DNM3: variants seen among roughly 807,000 people sequenced by gnomAD.
DNM3 encodes the protein dynamin 3, also known as dynamin-3.
Under a neutral mutation model 101.6 loss-of-function variants are expected in DNM3, and 47 were observed. That is an observed-to-expected ratio of 0.46 (90% CI 0.37 to 0.59). DNM3 has a LOEUF of 0.59. Among genes scored for constraint, DNM3 ranks in the 20% least tolerant of loss-of-function variants. The probability of loss-of-function intolerance (pLI) is 0.00; values close to 1 mark genes in which losing one functional copy is unlikely to be tolerated. For missense variants in DNM3, 849 were observed against 1,085.7 expected (o/e 0.78, Z 3.06); for synonymous variants, 385 against 387.9 (o/e 0.99, Z 0.09).
intron 17 of DNM3, among the ~76,000 whole-genome samples, chr1:172,330,028 TG>T (rs2066114990): frequency 6.6e-6 from 1 of 152,294 alleles, no homozygotes; most frequent in East Asian, 1.9e-4. Context: ...GTACCACACA[TG>T]TTGCCGACTC....
Position 172,409,063 on chromosome 1 carries a change from G to A in DNM3, c.*1222G>A. The A allele has an allele frequency of 1.0e-6, 1 of 985,346 alleles. No individual in the cohort carries two copies. 61.0% of individuals were successfully genotyped at this position (985,346 alleles called of 1,614,324 possible). A position where few individuals can be genotyped will look rare whatever the true frequency, so the allele number is the denominator to read the frequency against. On this transcript the variant is annotated 3_prime_UTR_variant, in exon 21 of 21. Coordinates refer to ENST00000627582, the MANE Select transcript of DNM3 (RefSeq NM_015569.5). ...TTCTTAAGATTTCTAAAATTTACCA[G>A]AACAGTTTAGCCTGGGGGTTAATAG...
chr1:172,170,476 T>G (rs1166975928), intron 14 of DNM3, among the ~76,000 whole-genome samples: 1 of 151,862 alleles, frequency 6.6e-6, no homozygotes, highest in Non-Finnish European at 1.5e-5. Context: ...CTCTTCAGTT[T>G]CATATCTATA....
At chr1:172,331,106 T>G (rs1315534250) in intron 17 of DNM3, among the ~76,000 whole-genome samples, 1 of 152,200 alleles carries the variant, frequency 6.6e-6, no homozygotes, top group African/African-American at 2.4e-5. Context: ...AATAGTGTCT[T>G]TGTTTCAAAT....
chr1:172,373,406 C>A (rs558397363), intron 17 of DNM3, among the ~76,000 whole-genome samples: 1 of 152,078 alleles, frequency 6.6e-6, no homozygotes, highest in South Asian at 2.1e-4. Flanking sequence ...AAACCAACAT[C>A]AGCTTTATCT....
At chr1:172,191,015 G>A (rs1572888778) in intron 14 of DNM3, among the ~76,000 whole-genome samples, 1 of 152,110 alleles carries the variant, frequency 6.6e-6, no homozygotes, top group Non-Finnish European at 1.5e-5. Context: ...AAGCTCTTTA[G>A]TTTAATTAGA....
intron 17 of DNM3, among the ~76,000 whole-genome samples, chr1:172,327,104 AT>A (rs1461577669): frequency 6.6e-6 from 1 of 152,186 alleles, no homozygotes; most frequent in Non-Finnish European, 1.5e-5. Context: ...CAAAAATTTT[AT>A]ACATATTGGA....
intron 17 of DNM3, among the ~76,000 whole-genome samples, chr1:172,352,858 G>A (rs1389753875): frequency 6.6e-6 from 1 of 152,114 alleles, no homozygotes; most frequent in East Asian, 1.9e-4. Flanking sequence ...TCCTTTGGAG[G>A]ACTTAAGTAA....
intron 13 of DNM3, among the ~76,000 whole-genome samples, chr1:172,122,529 C>A (rs540990717): frequency 6.6e-6 from 1 of 152,278 alleles, no homozygotes; most frequent in East Asian, 1.9e-4. Context: ...TATTAGCACA[C>A]CCTGGCAAAA....
At position 172,133,862 on chromosome 1, in the gene DNM3, A is replaced by AAGGC. The variant is rs201309016; in HGVS notation, c.1659+2577_1659+2578insCAGG. ...TGTAACATAGGAACAGTGGGGGAGA[A>AAGGC]AGGAGATAAAATCAGAGGTACCAGT... is the stretch of plus-strand genomic sequence containing the variant. On this transcript the variant is annotated intron_variant, in intron 14 of 20. Coordinates refer to ENST00000627582, the MANE Select transcript of DNM3 (RefSeq NM_015569.5). Among the ~76,000 whole-genome samples the AAGGC allele has an allele frequency of 7.4e-3, 1,131 of 152,248 alleles. 17 individuals are homozygous for AAGGC. The highest frequency in any genetic ancestry group is 0.025 in the African/African-American group (1,052 of 41,562).
chr1:172,256,042 C>G (rs1158638627), intron 15 of DNM3, among the ~76,000 whole-genome samples: 2 of 152,142 alleles, frequency 1.3e-5, no homozygotes, highest in Non-Finnish European at 1.5e-5. Context: ...GATGTTAAAC[C>G]ATCCTTTGTC....
chr1:171,942,494 G>A (rs1319992737), intron 2 of DNM3, among the ~76,000 whole-genome samples: 9 of 151,994 alleles, frequency 5.9e-5, no homozygotes, highest in Non-Finnish European at 5.9e-5. Context: ...GGAAATAATA[G>A]GTGAATATTA....
At chr1:172,226,040 T>A (rs2061105712) in intron 14 of DNM3, among the ~76,000 whole-genome samples, 1 of 152,172 alleles carries the variant, frequency 6.6e-6, no homozygotes. Flanking sequence ...CAGCATCCTA[T>A]AAGTTTAGTT....
At position 172,337,866 on chromosome 1, in the gene DNM3, T is replaced by TTTTTATTTTATTTTAATTTTATTTTA. The variant is rs2066503520; in HGVS notation, c.1893+14541_1893+14542insATTTTATTTTATTTTATTTTATTTTA. Among the ~76,000 whole-genome samples, 2 of 113,130 alleles carry TTTTTATTTTATTTTAATTTTATTTTA rather than the reference T, an allele frequency of 1.8e-5. 1 individual carries two copies. The highest frequency in any genetic ancestry group is 6.6e-5 in the African/African-American group (2 of 30,402). The allele number at this position is 113,130 out of a possible 152,430, so 74.2% of individuals were successfully genotyped here. ...TTTTATTTTATTTTATTTTATTTTA[T>TTTTTATTTTATTTTAATTTTATTTTA]TTTTATTTTATTTTATTTTATTTTA... On this transcript the variant is annotated intron_variant, in intron 17 of 20. Transcript: ENST00000627582.
intron 17 of DNM3, among the ~76,000 whole-genome samples, chr1:172,362,377 G>A (rs1345009346): frequency 6.6e-6 from 1 of 151,906 alleles, no homozygotes; most frequent in Non-Finnish European, 1.5e-5. Context: ...CAGGCAAAAG[G>A]GCATTCAGAT....
chr1:172,048,467 A>C, intron 9 of DNM3, 145 bp from the exon 10 acceptor site: 1 of 848,930 alleles, frequency 1.2e-6, no homozygotes, highest in Non-Finnish European at 1.7e-6. Flanking sequence ...GTGCCACATA[A>C]ACATTTTGGG....
At chr1:172,277,510 T>C (rs1418847683) in intron 15 of DNM3, among the ~76,000 whole-genome samples, 1 of 152,068 alleles carries the variant, frequency 6.6e-6, no homozygotes, top group Non-Finnish European at 1.5e-5. Context: ...TCTGAAAGTA[T>C]CTATGCAATG....
intron 9 of DNM3, among the ~76,000 whole-genome samples, chr1:172,046,515 C>T (rs1353895046): frequency 6.6e-6 from 1 of 151,390 alleles, no homozygotes; most frequent in Non-Finnish European, 1.5e-5. Context: ...TGTAACTAAC[C>T]TGCACATTGT....
At chr1:172,321,783 T>TC (rs1342933690) in intron 16 of DNM3, among the ~76,000 whole-genome samples, 1 of 152,114 alleles carries the variant, frequency 6.6e-6, no homozygotes, top group Non-Finnish European at 1.5e-5. Context: ...ATAAACTCCA[T>TC]CTGTTTGAAG....
chr1:172,150,204 G>T lies in DNM3; in HGVS notation c.1659+18916G>T, dbSNP rs556013775. Among the ~76,000 whole-genome samples the T allele has an allele frequency of 1.7e-4, 26 of 152,158 alleles. No individual in the cohort carries two copies. The East Asian group carries it at 4.5e-3, about 26-fold the overall frequency. ...TTTACTCTAGTTTCTAAGGACATAT[G>T]AGACCATATTAGAATACTTCTATTC... On this transcript the variant is annotated intron_variant, in intron 14 of 20. Transcript: ENST00000627582.
Sources: allele counts gnomAD v4.1 joint callset (sites outside exome capture counted in the v4.1 genomes callset), GRCh38; gene constraint gnomAD v4.1.1; transcripts MANE v1.5; gene names NCBI Gene and HGNC (gene_info 2026-07-23, HGNC 2026-07-21).